Variants in C8orf34 observed in about 807,000 individuals in gnomAD.
C8orf34 encodes the protein uncharacterized protein C8orf34.
A neutral mutation model predicts 68.3 loss-of-function variants in C8orf34; 65 were observed. That is an observed-to-expected ratio of 0.95 (90% CI 0.78 to 1.17). The LOEUF is 1.17. Among genes scored for constraint, C8orf34 ranks in the 50% most tolerant of loss-of-function variants. The pLI is 0.00. For missense variants in C8orf34, 664 were observed against 655.4 expected (o/e 1.01, Z -0.14); for synonymous variants, 244 against 241.2 (o/e 1.01, Z -0.11).
chr8:68,463,066 A>G (rs1237544671), intron 3 of C8orf34, among the ~76,000 whole-genome samples: 2 of 152,116 alleles, frequency 1.3e-5, no homozygotes, highest in Non-Finnish European at 2.9e-5. Context: ...AGAAAAAAAG[A>G]GAGAAGAATC....
At chr8:68,570,698 C>T (rs1211932203) in intron 7 of C8orf34, among the ~76,000 whole-genome samples, 1 of 152,148 alleles carries the variant, frequency 6.6e-6, no homozygotes, top group Non-Finnish European at 1.5e-5. Context: ...TGTTCCAGAA[C>T]CAGCAGCACA....
chr8:68,490,072 C>T (rs118130275), intron 5 of C8orf34, among the ~76,000 whole-genome samples: 1 of 152,154 alleles, frequency 6.6e-6, no homozygotes, highest in Non-Finnish European at 1.5e-5. Flanking sequence ...TCTAGTCCCC[C>T]CTCTGTGTGC....
intron 12 of C8orf34, among the ~76,000 whole-genome samples, chr8:68,814,812 A>G (rs1216407523): frequency 6.6e-6 from 1 of 152,206 alleles, no homozygotes; most frequent in Non-Finnish European, 1.5e-5. Flanking sequence ...TTCGAGTTGA[A>G]GTAGCACTTA....
chr8:68,536,206 C>T (rs533137888), intron 7 of C8orf34, among the ~76,000 whole-genome samples: 12 of 151,344 alleles, frequency 7.9e-5, no homozygotes, highest in Non-Finnish European at 1.6e-4. Flanking sequence ...CATGACGAAA[C>T]CTCGTCTCTA....
At chr8:68,638,959 C>A (rs1025387524) in intron 7 of C8orf34, among the ~76,000 whole-genome samples, 5 of 152,090 alleles carry the variant, frequency 3.3e-5, no homozygotes, top group South Asian at 2.1e-4. Context: ...CACGGGTTCA[C>A]TTCTTCTGGT....
At chr8:68,606,633 A>G (rs1283833060) in intron 7 of C8orf34, among the ~76,000 whole-genome samples, 2 of 152,100 alleles carry the variant, frequency 1.3e-5, no homozygotes, top group African/African-American at 4.8e-5. Flanking sequence ...TTGTAGCTAA[A>G]TCAACACAGG....
At chr8:68,580,934 G>A (rs546641431) in intron 7 of C8orf34, among the ~76,000 whole-genome samples, 2 of 152,138 alleles carry the variant, frequency 1.3e-5, no homozygotes, top group East Asian at 3.9e-4. Flanking sequence ...GATTACTCAA[G>A]GTTCAGTATG....
chr8:68,794,505 A>ATATATAT (rs1313909362), intron 12 of C8orf34, among the ~76,000 whole-genome samples: 9 of 62,238 alleles, frequency 1.4e-4, no homozygotes, highest in African/African-American at 9.7e-4. Context: ...ATATATATAT[A>ATATATAT]TTTTTTTTTT....
At chr8:68,553,759 A>G (rs1816162417) in intron 7 of C8orf34, among the ~76,000 whole-genome samples, 1 of 152,098 alleles carries the variant, frequency 6.6e-6, no homozygotes. Context: ...CAGACTAGCT[A>G]AAGATTTGTA....
chr8:68,501,823 A>G (rs1278954155), intron 5 of C8orf34, among the ~76,000 whole-genome samples: 3 of 152,178 alleles, frequency 2.0e-5, no homozygotes, highest in African/African-American at 4.8e-5. Context: ...AATCATCAAT[A>G]GGAAGTTTCT....
chr8:68,580,517 T>C (rs770862572), intron 7 of C8orf34, among the ~76,000 whole-genome samples: 4 of 152,144 alleles, frequency 2.6e-5, no homozygotes, highest in Admixed American at 6.6e-5. Flanking sequence ...ATTACACTTA[T>C]GGCCCCTATC....
At chr8:68,803,288 A>G (rs1237282154) in intron 12 of C8orf34, among the ~76,000 whole-genome samples, 14 of 140,992 alleles carry the variant, frequency 9.9e-5, no homozygotes. Context: ...CCTATCATGT[A>G]TAAAGGGTAA....
chr8:68,635,883 G>C (rs1211900485), intron 7 of C8orf34, among the ~76,000 whole-genome samples: 85 of 152,142 alleles, frequency 5.6e-4, no homozygotes, highest in Non-Finnish European at 4.4e-5. Context: ...GATATTTGAA[G>C]GTTGCCATTG....
At chr8:68,816,138 C>CTGTGTGTGTG (rs138646973) in intron 13 of C8orf34, among the ~76,000 whole-genome samples, 193 bp downstream of exon 13, 10 of 146,658 alleles carry the variant, frequency 6.8e-5, no homozygotes, top group African/African-American at 2.5e-4. Flanking sequence ...GTGTGTTTCT[C>CTGTGTGTGTG]TGTGTGTGTG....
chr8:68,412,918 T>C (rs1809505684), intron 1 of C8orf34, among the ~76,000 whole-genome samples: 1 of 152,144 alleles, frequency 6.6e-6, no homozygotes, highest in African/African-American at 2.4e-5. Context: ...CTGTGTCCTA[T>C]CAAGCTTAAA....
At chr8:68,645,207 T>C (rs1337578815) in intron 8 of C8orf34, among the ~76,000 whole-genome samples, 2 of 152,046 alleles carry the variant, frequency 1.3e-5, no homozygotes, top group African/African-American at 4.8e-5. Flanking sequence ...AAAAGCTGGG[T>C]TTTTAGCTGT....
intron 10 of C8orf34, among the ~76,000 whole-genome samples, chr8:68,758,031 G>A (rs773785757): frequency 2.6e-5 from 4 of 152,140 alleles, no homozygotes; most frequent in Admixed American, 2.0e-4. Flanking sequence ...CAAAGTACAC[G>A]TTCAGTCAGT....
intron 5 of C8orf34, among the ~76,000 whole-genome samples, chr8:68,494,878 ATCTCAAAAAATATATATCTC>A (rs1303877191): frequency 2.0e-5 from 3 of 151,068 alleles, no homozygotes; most frequent in Non-Finnish European, 2.9e-5. Context: ...TATTATATAT[ATCTCAAAAAATATATATCTC>A]TCTCAAAAAA....
At chr8:68,644,691 CA>C (rs1563582067) in intron 8 of C8orf34, among the ~76,000 whole-genome samples, 1 of 152,142 alleles carries the variant, frequency 6.6e-6, no homozygotes. Context: ...ATACAGACAG[CA>C]TTCTAATGTC....
Sources: allele counts gnomAD v4.1 joint callset (sites outside exome capture counted in the v4.1 genomes callset), GRCh38; gene constraint gnomAD v4.1.1; transcripts MANE v1.5; gene names NCBI Gene and HGNC (gene_info 2026-07-23, HGNC 2026-07-21).